The following GTF2IRD1 variants were observed in gnomAD, a reference collection of about 807,000 sequenced individuals.
GTF2IRD1 encodes the protein general transcription factor II-I repeat domain-containing protein 1.
A neutral mutation model predicts 113.2 loss-of-function variants in GTF2IRD1; 26 were observed. The observed-to-expected ratio is 0.23, with a 90% CI of 0.17 to 0.32. The LOEUF (loss-of-function observed/expected upper bound fraction) is 0.32, where lower values mean the gene tolerates loss of function less well. Ranked by LOEUF, GTF2IRD1 falls within the 10% of genes least tolerant of loss-of-function variation. GTF2IRD1 has a pLI of 1.00. For missense variants in GTF2IRD1, 864 were observed against 1,280.8 expected (o/e 0.67, Z 4.97); for synonymous variants, 484 against 529.1 (o/e 0.91, Z 1.17).
chr7:74,577,969 G>A (rs1308433402), intron 22 of GTF2IRD1, among the ~76,000 whole-genome samples: 3 of 151,966 alleles, frequency 2.0e-5, no homozygotes, highest in South Asian at 2.1e-4. Flanking sequence ...CACTGTACCA[G>A]CTACTTTTAA....
chr7:74,529,065 C>T (rs908255058), intron 8 of GTF2IRD1, among the ~76,000 whole-genome samples: 1 of 151,930 alleles, frequency 6.6e-6, no homozygotes, highest in African/African-American at 2.4e-5. Flanking sequence ...GGGATCTGAG[C>T]AGACAGAAGA....
chr7:74,564,847 AGAG>A (rs149476476), intron 22 of GTF2IRD1, among the ~76,000 whole-genome samples: 7,550 of 152,248 alleles, frequency 0.05, 259 homozygotes, highest in East Asian at 0.074. Flanking sequence ...ACTAAAATCT[AGAG>A]GCCCTGCCTG....
intron 14 of GTF2IRD1, among the ~76,000 whole-genome samples, chr7:74,540,494 G>A (rs1466669768): frequency 1.3e-5 from 2 of 151,822 alleles, no homozygotes; most frequent in Non-Finnish European, 2.9e-5. Flanking sequence ...GGAGCCACCT[G>A]TTGGAATTAA....
chr7:74,528,713 G>A (rs1797747232), intron 8 of GTF2IRD1, among the ~76,000 whole-genome samples: 2 of 84,728 alleles, frequency 2.4e-5, no homozygotes, highest in South Asian at 6.8e-4. Flanking sequence ...ATGGGTGGAT[G>A]GATGGATGGA....
chr7:74,559,548 G>A (rs112345424), intron 21 of GTF2IRD1, 79 bp from the exon 22 acceptor site: 38 of 1,312,008 alleles, frequency 2.9e-5, no homozygotes, highest in South Asian at 1.6e-4. Context: ...AGGGGAGACC[G>A]AGGCCACTGA....
At chr7:74,536,536 G>A (rs1459213847) in intron 11 of GTF2IRD1, among the ~76,000 whole-genome samples, 6 of 152,138 alleles carry the variant, frequency 3.9e-5, no homozygotes, top group Non-Finnish European at 5.9e-5. Context: ...GGCCAGGTGC[G>A]GTGGCTCACA....
intron 1 of GTF2IRD1, chr7:74,487,540 C>T (rs1795101597): frequency 6.6e-6 from 1 of 152,092 alleles, no homozygotes; most frequent in African/African-American, 2.4e-5. Flanking sequence ...GGGCCGTAGA[C>T]TGTTTTTGCA....
At chr7:74,567,864 C>T (rs1800419425) in intron 22 of GTF2IRD1, among the ~76,000 whole-genome samples, 1 of 152,076 alleles carries the variant, frequency 6.6e-6, no homozygotes, top group South Asian at 2.1e-4. Context: ...CGGCTCACTG[C>T]AACCCCCGCC....
chr7:74,522,860 G>A (rs1797371675), intron 7 of GTF2IRD1, among the ~76,000 whole-genome samples: 2 of 152,140 alleles, frequency 1.3e-5, no homozygotes, highest in Admixed American at 1.3e-4. Context: ...AAAGTACTTA[G>A]CACAGATAAG....
intron 17 of GTF2IRD1, among the ~76,000 whole-genome samples, chr7:74,548,144 G>A (rs144189311): frequency 0.017 from 2,534 of 152,298 alleles, 51 homozygotes; most frequent in East Asian, 0.099. Flanking sequence ...GGGCCCGGGC[G>A]CGGTGGCTCA....
At chr7:74,462,456 C>G (rs116805468) in intron 1 of GTF2IRD1, among the ~76,000 whole-genome samples, 3,088 of 152,316 alleles carry the variant, frequency 0.02, 121 homozygotes, top group African/African-American at 0.07. Context: ...GCCTCTGAAT[C>G]TGGCTTCACA....
chr7:74,472,485 G>A (rs562137710), intron 1 of GTF2IRD1, among the ~76,000 whole-genome samples: 12 of 152,326 alleles, frequency 7.9e-5, no homozygotes, highest in African/African-American at 1.7e-4. Flanking sequence ...AGTGGCTCAC[G>A]CCTGTAATCC....
intron 1 of GTF2IRD1, among the ~76,000 whole-genome samples, chr7:74,462,500 C>A (rs576793714): frequency 6.6e-6 from 1 of 152,184 alleles, no homozygotes; most frequent in Non-Finnish European, 1.5e-5. Context: ...GCTGGGTACA[C>A]GGGTAGCTGG....
chr7:74,528,020 G>A (rs1469912826), intron 8 of GTF2IRD1, among the ~76,000 whole-genome samples: 1 of 152,148 alleles, frequency 6.6e-6, no homozygotes, highest in East Asian at 1.9e-4. Context: ...TGTTTATGGC[G>A]CTGGTGAATG....
chr7:74,484,263 C>T (rs1468549436), intron 1 of GTF2IRD1, among the ~76,000 whole-genome samples: 2 of 152,186 alleles, frequency 1.3e-5, no homozygotes, highest in Middle Eastern at 3.4e-3. Flanking sequence ...TATGCATCAC[C>T]GGGCCTAACA....
At chr7:74,563,436 G>A (rs1800100742) in intron 22 of GTF2IRD1, among the ~76,000 whole-genome samples, 1 of 152,014 alleles carries the variant, frequency 6.6e-6, no homozygotes, top group African/African-American at 2.4e-5. Flanking sequence ...AATTAGCTGG[G>A]CATGGTGGCG....
chr7:74,576,617 CTTTTTTTTTTTTTTTTTTTTT>C (rs1165378230), intron 22 of GTF2IRD1, among the ~76,000 whole-genome samples: 3 of 49,350 alleles, frequency 6.1e-5, no homozygotes, highest in Admixed American at 6.6e-4. Flanking sequence ...ATTTCCTTGT[CTTTTTTTTTTTTTTTTTTTTT>C]TTTTTTTTTT....
intron 22 of GTF2IRD1, among the ~76,000 whole-genome samples, chr7:74,581,032 G>T (rs1269494721): frequency 6.6e-6 from 1 of 152,036 alleles, no homozygotes; most frequent in Non-Finnish European, 1.5e-5. Context: ...GGGGGGGGTT[G>T]GGGGGAGACG....
intron 22 of GTF2IRD1, among the ~76,000 whole-genome samples, chr7:74,585,370 C>G (rs1801661870): frequency 6.6e-6 from 1 of 152,038 alleles, no homozygotes; most frequent in East Asian, 1.9e-4. Flanking sequence ...GCCTCGGCCT[C>G]TGAGAGTGCT....
Sources: allele counts gnomAD v4.1 joint callset (sites outside exome capture counted in the v4.1 genomes callset), GRCh38; gene constraint gnomAD v4.1.1; transcripts MANE v1.5; gene names NCBI Gene and HGNC (gene_info 2026-07-23, HGNC 2026-07-21).